The following CTNNA3 variants were observed in gnomAD, a reference collection of about 807,000 sequenced individuals.
The protein encoded by CTNNA3 is catenin alpha 3.
CTNNA3 carries 76 observed loss-of-function variants against 95.7 expected under a neutral mutation model. The observed-to-expected ratio is 0.79, with a 90% confidence interval of 0.66 to 0.96. The LOEUF is 0.96. Ranked by LOEUF, CTNNA3 falls within the 40% of genes least tolerant of loss-of-function variation. The pLI is 0.00. For missense variants in CTNNA3, 1,191 were observed against 1,089.8 expected, an observed-to-expected ratio of 1.09 and a Z score of -1.31; for synonymous variants, 431 against 374.4, an observed-to-expected ratio of 1.15 and a Z score of -1.74.
intron 9 of CTNNA3, among the ~76,000 whole-genome samples, chr10:66,691,644 G>A (rs1016548208): frequency 2.0e-5 from 3 of 152,186 alleles, no homozygotes; most frequent in Admixed American, 6.5e-5. Flanking sequence ...TCTGAGAATG[G>A]GCAGACTGCC....
At chr10:66,979,615 A>T (rs1216852434) in intron 7 of CTNNA3, among the ~76,000 whole-genome samples, 1 of 152,152 alleles carries the variant, frequency 6.6e-6, no homozygotes, top group East Asian at 1.9e-4. Flanking sequence ...CAATTGCCAC[A>T]TCAGTAAAAT....
At chr10:67,638,728 T>C (rs1463812637) in intron 2 of CTNNA3, among the ~76,000 whole-genome samples, 1 of 152,126 alleles carries the variant, frequency 6.6e-6, no homozygotes, top group African/African-American at 2.4e-5. Flanking sequence ...CTCAACTACA[T>C]GGAAACTGAA....
intron 9 of CTNNA3, among the ~76,000 whole-genome samples, chr10:66,679,664 T>C (rs1196945879): frequency 6.6e-6 from 1 of 152,148 alleles, no homozygotes; most frequent in East Asian, 1.9e-4. Flanking sequence ...TAATAGGCAT[T>C]GTATAAAAAT....
At chr10:67,130,391 T>G (rs1859935806) in intron 7 of CTNNA3, among the ~76,000 whole-genome samples, 1 of 152,078 alleles carries the variant, frequency 6.6e-6, no homozygotes, top group Admixed American at 6.6e-5. Flanking sequence ...AACCCATAAC[T>G]TTTGCTATCT....
intron 7 of CTNNA3, among the ~76,000 whole-genome samples, chr10:67,030,838 T>C (rs961062419): frequency 2.6e-5 from 4 of 152,072 alleles, no homozygotes; most frequent in Non-Finnish European, 5.9e-5. Flanking sequence ...ACCCCGTCTC[T>C]ACTAAAAATA....
At chr10:66,724,920 T>C (rs1334916531) in intron 9 of CTNNA3, among the ~76,000 whole-genome samples, 1 of 152,152 alleles carries the variant, frequency 6.6e-6, no homozygotes, top group Non-Finnish European at 1.5e-5. Flanking sequence ...GTCATTACTC[T>C]GTTTCAAAGT....
rs1858108849 is a variant in CTNNA3, at chr10:67,097,904, C to T, written c.1047+82413G>A. 4.3e-6 allele frequency: 4 copies of T among 938,354 alleles called. No homozygotes were observed. The East Asian group carries it at 1.0e-4, about 24-fold the overall frequency. 58.1% of individuals were successfully genotyped at this position (938,354 alleles called of 1,614,324 possible). ...CTAAAAACAAAACAAAACACAAAAT[C>T]CCCTGTTCAAATAAACAAAAAATCC... On this transcript the variant is annotated intron_variant, in intron 7 of 17. Coordinates refer to ENST00000433211, the MANE Select transcript of CTNNA3 (RefSeq NM_013266.4).
At position 66,592,809 on chromosome 10, in the gene CTNNA3, C is replaced by A. The variant is rs893354031; in HGVS notation, c.1374+28883G>T. Among the ~76,000 whole-genome samples, 12 of 152,166 alleles carry A rather than the reference C, an allele frequency of 7.9e-5. No homozygotes were observed. The South Asian group carries it at 2.5e-3, about 32-fold the overall frequency. ...TTTGGCAGAAAGAGGTGGGAGACACCAAAGTGTCTGCACAGGGTAAATATA... is the reference window on the plus strand; with the variant it reads ...TTTGGCAGAAAGAGGTGGGAGACACAAAAGTGTCTGCACAGGGTAAATATA... On this transcript the variant is annotated intron_variant, in intron 10 of 17. Coordinates refer to ENST00000433211, the MANE Select transcript of CTNNA3 (RefSeq NM_013266.4).
chr10:66,222,901 A>G (rs1417386769), intron 13 of CTNNA3, among the ~76,000 whole-genome samples: 1 of 152,172 alleles, frequency 6.6e-6, no homozygotes, highest in Non-Finnish European at 1.5e-5. Context: ...ACAAAGTTCA[A>G]CTGGTCAAAT....
intron 13 of CTNNA3, among the ~76,000 whole-genome samples, chr10:66,169,562 T>C (rs569321087): frequency 6.6e-6 from 1 of 152,190 alleles, no homozygotes; most frequent in Admixed American, 6.5e-5. Context: ...TGGGATCAAA[T>C]TGTAGTTCTA....
At chr10:66,220,600 C>T (rs1487977300) in intron 13 of CTNNA3, among the ~76,000 whole-genome samples, 3 of 152,178 alleles carry the variant, frequency 2.0e-5, no homozygotes, top group Admixed American at 2.0e-4. Flanking sequence ...TCTTGTTCAG[C>T]ATCCAAGAAG....
chr10:66,865,964 A>G (rs1046127823), intron 7 of CTNNA3, among the ~76,000 whole-genome samples: 4 of 152,166 alleles, frequency 2.6e-5, no homozygotes, highest in African/African-American at 9.6e-5. Flanking sequence ...TTTTATTTAT[A>G]GCTTTATACA....
At chr10:66,434,450 A>T (rs758991228) in intron 11 of CTNNA3, among the ~76,000 whole-genome samples, 2 of 151,886 alleles carry the variant, frequency 1.3e-5, no homozygotes, top group Admixed American at 1.3e-4. Context: ...CTGTTTGTCT[A>T]TTATAGGTGT....
chr10:66,533,136 C>T (rs974724102), intron 10 of CTNNA3, among the ~76,000 whole-genome samples: 5 of 152,092 alleles, frequency 3.3e-5, no homozygotes, highest in African/African-American at 1.2e-4. Context: ...CTTAATTTAG[C>T]CTAAGGCCCT....
At chr10:66,839,274 T>C (rs1842972732) in intron 7 of CTNNA3, among the ~76,000 whole-genome samples, 1 of 152,116 alleles carries the variant, frequency 6.6e-6, no homozygotes, top group Non-Finnish European at 1.5e-5. Flanking sequence ...TTGATGATGT[T>C]TGAGCTATGG....
chr10:66,568,690 C>G (rs2132157406), intron 10 of CTNNA3, among the ~76,000 whole-genome samples: 1 of 151,988 alleles, frequency 6.6e-6, no homozygotes, highest in Middle Eastern at 3.4e-3. Context: ...GCAATAGAAC[C>G]AAAGTTCAAA....
At chr10:66,861,347 C>A (rs1843917240) in intron 7 of CTNNA3, among the ~76,000 whole-genome samples, 1 of 152,162 alleles carries the variant, frequency 6.6e-6, no homozygotes. Flanking sequence ...TGTGTTTTCT[C>A]TGGGTACACC....
At chr10:66,789,223 C>A (rs1840871110) in intron 7 of CTNNA3, among the ~76,000 whole-genome samples, 1 of 152,104 alleles carries the variant, frequency 6.6e-6, no homozygotes, top group Admixed American at 6.6e-5. Flanking sequence ...CTCGCTGAGG[C>A]TGGAGTGCAG....
intron 14 of CTNNA3, among the ~76,000 whole-genome samples, chr10:66,088,872 CT>C (rs1564631454): frequency 2.6e-5 from 4 of 151,900 alleles, no homozygotes; most frequent in Non-Finnish European, 5.9e-5. Flanking sequence ...TTATGAATAC[CT>C]TGTAATAGGG....
Sources: gnomAD v4.1 joint callset for allele counts (sites outside exome capture counted in the v4.1 genomes callset) on GRCh38, gnomAD v4.1.1 for gene constraint, MANE v1.5 for transcripts, NCBI Gene and HGNC (gene_info 2026-07-23, HGNC 2026-07-21) for gene names.